Variants in MCF2L2 observed in about 807,000 individuals in gnomAD.
MCF2L2 encodes the protein MCF.2 cell line derived transforming sequence-like 2.
A neutral mutation model predicts 150.2 loss-of-function variants in MCF2L2; 102 were observed. The ratio of observed to expected loss-of-function variants is 0.68; its 90% CI spans 0.58 to 0.80. The LOEUF (loss-of-function observed/expected upper bound fraction) is 0.80. Ranked by LOEUF, MCF2L2 falls within the 30% of genes least tolerant of loss-of-function variation. The pLI is 0.00. For missense variants in MCF2L2, 1,256 were observed against 1,372.8 expected, an observed-to-expected ratio of 0.91 and a Z score of 1.34; for synonymous variants, 465 against 491.3, an observed-to-expected ratio of 0.95 and a Z score of 0.71.
intron 1 of MCF2L2, among the ~76,000 whole-genome samples, chr3:183,422,265 T>C (rs954326988): frequency 2.0e-5 from 3 of 152,210 alleles, no homozygotes; most frequent in Non-Finnish European, 1.5e-5. Flanking sequence ...ATCTCCATTG[T>C]ATTCAAGAGT....
At chr3:183,362,687 C>G (rs1712287598) in intron 3 of MCF2L2, among the ~76,000 whole-genome samples, 1 of 151,430 alleles carries the variant, frequency 6.6e-6, no homozygotes, top group African/African-American at 2.4e-5. Context: ...ATCAAAGAAA[C>G]TATGTTTAGA....
intron 3 of MCF2L2, among the ~76,000 whole-genome samples, chr3:183,343,739 G>T (rs1730793370): frequency 6.6e-6 from 1 of 152,130 alleles, no homozygotes; most frequent in African/African-American, 2.4e-5. Flanking sequence ...TTAAATATGT[G>T]AATAAGTATT....
intron 15 of MCF2L2, among the ~76,000 whole-genome samples, chr3:183,244,335 C>G (rs1457840762): frequency 6.6e-6 from 1 of 152,130 alleles, no homozygotes; most frequent in African/African-American, 2.4e-5. Context: ...CAGTAATTTG[C>G]CAGGGGCTCT....
chr3:183,199,367 C>T (rs1722179547), intron 25 of MCF2L2, among the ~76,000 whole-genome samples: 1 of 152,128 alleles, frequency 6.6e-6, no homozygotes, highest in Non-Finnish European at 1.5e-5. Flanking sequence ...AGTAACATTA[C>T]CTGAGGGGAA....
intron 21 of MCF2L2, 140 bp downstream of exon 21, chr3:183,219,716 C>T (rs1723074488): frequency 6.1e-6 from 3 of 495,370 alleles, no homozygotes; most frequent in Non-Finnish European, 1.1e-5. Flanking sequence ...TTTTTCTTGA[C>T]TGTGAGTTAT....
At chr3:183,348,384 A>T (rs2108549241) in intron 3 of MCF2L2, among the ~76,000 whole-genome samples, 1 of 138,160 alleles carries the variant, frequency 7.2e-6, no homozygotes, top group South Asian at 2.5e-4. Context: ...GGGGAACATC[A>T]CACACCAGGA....
chr3:183,216,574 ATATATATTTTTTTTTTTTTTTTT>A lies in MCF2L2; in HGVS notation c.2371-503_2371-481del, dbSNP rs1273167726. 1.2e-3 allele frequency among the ~76,000 whole-genome samples: 64 copies of A among 54,450 alleles called. 3 individuals are homozygous for A. Among genetic ancestry groups the A allele is most frequent in the Middle Eastern group, 0.016 (1 of 62 alleles). The allele number at this position is 54,450 out of a possible 152,430, so 35.7% of individuals were successfully genotyped here. A position where few individuals can be genotyped will look rare whatever the true frequency, so the allele number is the denominator to read the frequency against. The stretch of plus-strand genomic sequence containing the variant: ...ATATTATATATATATATATATATAT[ATATATATTTTTTTTTTTTTTTTT>A]TTTTTTTTTTTTTTTTTTTGAGAGC... On this transcript the variant is annotated intron_variant, in intron 21 of 29. Transcript: ENST00000328913.
At position 183,270,548 on chromosome 3, in the gene MCF2L2, T is replaced by C. The variant is rs1560390055; in HGVS notation, c.1862+6324A>G. On this transcript the variant is annotated intron_variant, in intron 15 of 29. Transcript: ENST00000328913. This position sits in a 1 kb window ranked among gnomAD's most constrained non-coding sequence, Gnocchi z 4.5. ...AAATGTACCAGTGGCCAGCTTACCC[T>C]GACTACACAGCCGGAGCTGCCTATG... is the stretch of plus-strand genomic sequence containing the variant. 6.2e-7 allele frequency: 1 copy of C among 1,614,154 alleles called. No homozygotes were observed. Among genetic ancestry groups the C allele is most frequent in the East Asian group, 2.2e-5 (1 of 44,878 alleles).
At chr3:183,194,389 AC>A (rs1722012262) in intron 26 of MCF2L2, among the ~76,000 whole-genome samples, 1 of 152,192 alleles carries the variant, frequency 6.6e-6, no homozygotes, top group African/African-American at 2.4e-5. Flanking sequence ...TGAGGACTTA[AC>A]CCTGAAAGAA....
chr3:183,261,521 CTG>C (rs532977445), intron 15 of MCF2L2, among the ~76,000 whole-genome samples: 46 of 152,160 alleles, frequency 3.0e-4, no homozygotes, highest in African/African-American at 1.1e-3. Context: ...TTTTTAAAAA[CTG>C]TGACTCACCG....
chr3:183,321,225 G>A (rs919028835), intron 6 of MCF2L2, among the ~76,000 whole-genome samples: 1 of 152,196 alleles, frequency 6.6e-6, no homozygotes, highest in Non-Finnish European at 1.5e-5. Flanking sequence ...ACCACTTGAG[G>A]TCAGGAGTTC....
chr3:183,216,552 TTATA>T (rs1302056111), intron 21 of MCF2L2, among the ~76,000 whole-genome samples: 1,042 of 33,058 alleles, frequency 0.032, 41 homozygotes, highest in African/African-American at 0.068. Context: ...AGTATATATA[TTATA>T]TATATATATA....
At chr3:183,363,008 A>G (rs781534197) in intron 3 of MCF2L2, among the ~76,000 whole-genome samples, 1 of 152,210 alleles carries the variant, frequency 6.6e-6, no homozygotes, top group Non-Finnish European at 1.5e-5. Flanking sequence ...CACCTTACTA[A>G]AGAAGATTTA....
chr3:183,350,748 C>T (rs1340185647), intron 3 of MCF2L2, among the ~76,000 whole-genome samples: 1 of 151,920 alleles, frequency 6.6e-6, no homozygotes, highest in Non-Finnish European at 1.5e-5. Flanking sequence ...ACTAAAACTA[C>T]AAAAAATTAG....
Position 183,216,576 on chromosome 3 carries a change from ATATATTTTTTTTTTTTTTTTT to A in MCF2L2, c.2371-503_2371-483del, listed in dbSNP as rs1175459716. Among the ~76,000 whole-genome samples, 31 of 26,516 alleles carry A rather than the reference ATATATTTTTTTTTTTTTTTTT, an allele frequency of 1.2e-3. 1 individual carries two copies. Among genetic ancestry groups the A allele is most frequent in the African/African-American group, 6.2e-3 (23 of 3,714 alleles). 17.4% of individuals were successfully genotyped at this position (26,516 alleles called of 152,430 possible). ...ATTATATATATATATATATATATAT[ATATATTTTTTTTTTTTTTTTT>A]TTTTTTTTTTTTTTTTTTTGAGAGC... On this transcript the variant is annotated intron_variant, in intron 21 of 29. Transcript: ENST00000328913.
chr3:183,333,202 A>T (rs1730337619), intron 5 of MCF2L2, among the ~76,000 whole-genome samples: 1 of 152,030 alleles, frequency 6.6e-6, no homozygotes, highest in East Asian at 1.9e-4. Flanking sequence ...ATATGCCACC[A>T]TGCCTGACTA....
chr3:183,410,908 G>C (rs1406437444), intron 1 of MCF2L2, among the ~76,000 whole-genome samples: 1 of 152,194 alleles, frequency 6.6e-6, no homozygotes, highest in African/African-American at 2.4e-5. Context: ...CAGGAGGGAA[G>C]CAGAGCACAG....
At chr3:183,304,521 A>C (rs1244707762) in intron 10 of MCF2L2, among the ~76,000 whole-genome samples, 4 of 137,296 alleles carry the variant, frequency 2.9e-5, no homozygotes, top group African/African-American at 1.1e-4. Flanking sequence ...GCTGGAGTGC[A>C]GTGGCTTGAT....
At chr3:183,410,431 C>T (rs922906547) in intron 1 of MCF2L2, among the ~76,000 whole-genome samples, 4 of 152,180 alleles carry the variant, frequency 2.6e-5, no homozygotes, top group Non-Finnish European at 5.9e-5. Context: ...AAAGCAGGGA[C>T]CCATGGGTGA....
Sources: allele counts gnomAD v4.1 joint callset (sites outside exome capture counted in the v4.1 genomes callset), GRCh38; gene constraint gnomAD v4.1.1; non-coding constraint Gnocchi (gnomAD v3.1); transcripts MANE v1.5; gene names NCBI Gene and HGNC (gene_info 2026-07-23, HGNC 2026-07-21).